Variants in MALRD1 observed in about 807,000 individuals in gnomAD.
The protein encoded by MALRD1 is MAM and LDL-receptor class A domain-containing protein 1.
In MALRD1, 247 loss-of-function variants were observed where a neutral mutation model predicts 242.1. That is an observed-to-expected ratio of 1.02 (90% CI 0.92 to 1.13). The LOEUF (loss-of-function observed/expected upper bound fraction) is 1.13. Among genes scored for constraint, MALRD1 ranks in the 50% most tolerant of loss-of-function variants. The pLI is 0.00. For synonymous variants in MALRD1, 995 were observed against 866.6 expected, an observed-to-expected ratio of 1.15 and a Z score of -2.60; for missense variants, 2,989 against 2,533.1, an observed-to-expected ratio of 1.18 and a Z score of -3.86.
intron 18 of MALRD1, among the ~76,000 whole-genome samples, chr10:19,254,169 A>G (rs1045978134): frequency 3.3e-5 from 5 of 152,022 alleles, no homozygotes; most frequent in African/African-American, 1.2e-4. Context: ...CTAATACACC[A>G]AAAATTCTGA....
chr10:19,066,783 G>T lies in MALRD1; in HGVS notation c.264G>T (p.Leu88=), dbSNP rs1346691760. ...GLCHMTQDQS[L]QPSWTKRSGM... is the part of the protein sequence containing the mutation. ...GTCATATGACTCAAGATCAGAGTCT[G>T]CAACCTAGTTGGACAAAGAGAAGTG... The change falls in exon 2 of 40, where the codon CTG becomes CTT. Residue 88 remains leucine (L), a synonymous_variant. Coordinates refer to ENST00000454679, the MANE Select transcript of MALRD1 (RefSeq NM_001142308.3). 1.6e-6 allele frequency: 2 copies of T among 1,233,606 alleles called. No individual in the cohort carries two copies. Among genetic ancestry groups the T allele is most frequent in the East Asian group, 6.3e-5 (2 of 31,678 alleles). 76.4% of individuals were successfully genotyped at this position (1,233,606 alleles called of 1,614,324 possible).
intron 24 of MALRD1, among the ~76,000 whole-genome samples, chr10:19,332,938 T>C (rs1342267034): frequency 6.6e-6 from 1 of 152,150 alleles, no homozygotes; most frequent in African/African-American, 2.4e-5. Context: ...GTTTGTTACA[T>C]AGGTATACAC....
chr10:19,179,295 T>C (rs1254901460), intron 14 of MALRD1, among the ~76,000 whole-genome samples: 4 of 152,212 alleles, frequency 2.6e-5, no homozygotes, highest in Non-Finnish European at 5.9e-5. Context: ...TCTAGACATC[T>C]GCTGTATAAC....
At chr10:19,103,507 G>A (rs1364378556) in intron 4 of MALRD1, among the ~76,000 whole-genome samples, 1 of 145,468 alleles carries the variant, frequency 6.9e-6, no homozygotes, top group Non-Finnish European at 1.5e-5. Flanking sequence ...CTTGTAGATC[G>A]TGCCACTGCA....
At chr10:19,353,748 A>T (rs1019250553) in intron 26 of MALRD1, among the ~76,000 whole-genome samples, 2 of 152,166 alleles carry the variant, frequency 1.3e-5, no homozygotes, top group African/African-American at 4.8e-5. Context: ...TCTGTGTGGG[A>T]TGTTTGATGG....
At chr10:19,357,792 T>C (rs1844701718) in intron 26 of MALRD1, among the ~76,000 whole-genome samples, 1 of 152,156 alleles carries the variant, frequency 6.6e-6, no homozygotes, top group Non-Finnish European at 1.5e-5. Context: ...ACACAGACTT[T>C]TCATCTGTAT....
At chr10:19,391,421 G>C (rs1483953418) in intron 28 of MALRD1, among the ~76,000 whole-genome samples, 1 of 152,124 alleles carries the variant, frequency 6.6e-6, no homozygotes, top group African/African-American at 2.4e-5. Flanking sequence ...GTCTCCATGT[G>C]GAATCATGCT....
intron 31 of MALRD1, among the ~76,000 whole-genome samples, chr10:19,516,917 CTGTAGT>C (rs1833660115): frequency 6.6e-6 from 1 of 152,128 alleles, no homozygotes; most frequent in Non-Finnish European, 1.5e-5. Flanking sequence ...GGCTTAAATA[CTGTAGT>C]CTGCCTAAAC....
chr10:19,237,755 C>T (rs1427330686), intron 18 of MALRD1, among the ~76,000 whole-genome samples: 2 of 93,316 alleles, frequency 2.1e-5, no homozygotes, highest in African/African-American at 8.0e-5. Context: ...ATATATAAAA[C>T]CATAATTATA....
At chr10:19,504,732 G>T (rs1465796042) in intron 31 of MALRD1, among the ~76,000 whole-genome samples, 1 of 139,050 alleles carries the variant, frequency 7.2e-6, no homozygotes, top group Admixed American at 7.6e-5. Flanking sequence ...CCGGACTGCG[G>T]ACTGCAGTGG....
chr10:19,238,377 CATA>C (rs1229089798), intron 18 of MALRD1, among the ~76,000 whole-genome samples: 1 of 84,160 alleles, frequency 1.2e-5, no homozygotes, highest in African/African-American at 4.8e-5. Context: ...ATATATTATA[CATA>C]ATATATTATA....
chr10:19,272,339 C>T (rs1375876271), intron 19 of MALRD1, among the ~76,000 whole-genome samples: 1 of 151,672 alleles, frequency 6.6e-6, no homozygotes, highest in Non-Finnish European at 1.5e-5. Context: ...ATATATTTGT[C>T]ATACAGATAA....
At chr10:19,543,433 C>CTTGTTTTTTTTTTTTTTTT in intron 32 of MALRD1, among the ~76,000 whole-genome samples, 1 of 106,410 alleles carries the variant, frequency 9.4e-6, no homozygotes, top group Non-Finnish European at 1.8e-5. Context: ...CAGCTGATTT[C>CTTGTTTTTTTTTTTTTTTT]TTTTTTTTTT....
At chr10:19,448,933 T>G (rs781409364) in intron 28 of MALRD1, among the ~76,000 whole-genome samples, 19 of 152,088 alleles carry the variant, frequency 1.2e-4, no homozygotes, top group African/African-American at 2.2e-4. Flanking sequence ...CAGGGATAAG[T>G]GATTTCTCCA....
intron 36 of MALRD1, among the ~76,000 whole-genome samples, chr10:19,680,877 A>G (rs1842340324): frequency 6.6e-6 from 1 of 152,116 alleles, no homozygotes. Context: ...AAAGGATTTT[A>G]TTAATATTTC....
chr10:19,088,561 A>T (rs1218198821), intron 4 of MALRD1, among the ~76,000 whole-genome samples: 6 of 94,560 alleles, frequency 6.3e-5, no homozygotes, highest in Middle Eastern at 5.3e-3. Flanking sequence ...TTATTTTATA[A>T]AGTTTTTTTT....
chr10:19,136,292 TC>T (rs1188302120), intron 9 of MALRD1, among the ~76,000 whole-genome samples: 5 of 151,664 alleles, frequency 3.3e-5, no homozygotes, highest in African/African-American at 1.2e-4. Flanking sequence ...TTTTGCCTGA[TC>T]CTGGGAGGTT....
chr10:19,216,639 A>G (rs1837325795), intron 18 of MALRD1, among the ~76,000 whole-genome samples: 2 of 152,124 alleles, frequency 1.3e-5, no homozygotes, highest in Non-Finnish European at 2.9e-5. Flanking sequence ...TGTTATCAGT[A>G]TAACAGTAAA....
rs1836807856 is a variant in MALRD1, at chr10:19,114,679, T to C, written c.695-8813T>C. On this transcript the variant is annotated intron_variant, in intron 5 of 39. Transcript: ENST00000454679. The stretch of plus-strand genomic sequence containing the variant: ...ACTTCTTTTCACATATGTGGACCAC[T>C]ATGCACCTGCCCTACACACCTCAGG... 3.9e-5 allele frequency among the ~76,000 whole-genome samples: 6 copies of C among 152,142 alleles called. No homozygotes were observed. The South Asian group carries it at 8.3e-4, about 21-fold the overall frequency.
Sources: allele counts gnomAD v4.1 joint callset (sites outside exome capture counted in the v4.1 genomes callset), GRCh38; gene constraint gnomAD v4.1.1; transcripts MANE v1.5; gene names NCBI Gene and HGNC (gene_info 2026-07-23, HGNC 2026-07-21).